Variants in MTMR6 observed in about 807,000 individuals in gnomAD.
MTMR6 encodes the protein myotubularin related protein 6, also known as phosphatidylinositol-3,5-bisphosphate 3-phosphatase MTMR6.
In MTMR6, 47 loss-of-function variants were observed where a neutral mutation model predicts 80.1. The ratio of observed to expected loss-of-function variants is 0.59; its 90% CI spans 0.46 to 0.75. The LOEUF is 0.75. MTMR6 is among the 30% of genes least tolerant of loss of function. The pLI, the probability that MTMR6 is intolerant of heterozygous loss-of-function variation, is 0.00. For synonymous variants in MTMR6, 254 were observed against 253.0 expected (o/e 1.00, Z -0.04); for missense variants, 629 against 730.9 (o/e 0.86, Z 1.61).
At chr13:25,275,675 C>A (rs1321130890) in intron 1 of MTMR6, among the ~76,000 whole-genome samples, 1 of 151,874 alleles carries the variant, frequency 6.6e-6, no homozygotes, top group African/African-American at 2.4e-5. Context: ...GCCTGCCCAA[C>A]ATGGTGAAAC....
intron 9 of MTMR6, among the ~76,000 whole-genome samples, chr13:25,256,933 A>T (rs1243982774): frequency 1.3e-5 from 2 of 152,232 alleles, no homozygotes; most frequent in African/African-American, 4.8e-5. Flanking sequence ...GCACAAATGG[A>T]AATAAGTCTA....
intron 2 of MTMR6, 129 bp downstream of exon 2, chr13:25,273,942 G>A (rs1418467490): frequency 1.6e-6 from 1 of 643,304 alleles, no homozygotes; most frequent in East Asian, 2.7e-5. Flanking sequence ...GTGATCTGGA[G>A]ACCAAAAAAT....
intron 5 of MTMR6, 51 bp downstream of exon 5, chr13:25,265,768 C>A: frequency 2.6e-6 from 4 of 1,533,390 alleles, no homozygotes; most frequent in Non-Finnish European, 3.5e-6. Context: ...GATACTTAAA[C>A]CTGAAGATGA....
intron 9 of MTMR6, among the ~76,000 whole-genome samples, chr13:25,256,369 T>C (rs1957208630): frequency 6.6e-6 from 1 of 152,224 alleles, no homozygotes; most frequent in Non-Finnish European, 1.5e-5. Flanking sequence ...ATTTTCTTAT[T>C]AGCAGCACTC....
chr13:25,266,072 T>C, intron 4 of MTMR6, 57 bp downstream of exon 4: 1 of 1,597,202 alleles, frequency 6.3e-7, no homozygotes, highest in South Asian at 1.1e-5. Context: ...ACGCTGACAC[T>C]CTCTAACCCT....
In MTMR6 at chr13:25,283,798, A is replaced by G. The variant is rs542090209; in HGVS notation, c.24+3426T>C. On this transcript the variant is annotated intron_variant, in intron 1 of 13. Transcript: ENST00000381801. ...ATGTCAGCCAAAGTACTGGCAGGGA[A>G]AGGAGAAAGACTGCATAAAGAACTG... Among the ~76,000 whole-genome samples, 5 of 152,350 alleles carry G rather than the reference A, an allele frequency of 3.3e-5. No individual in the cohort carries two copies. The South Asian group carries it at 6.2e-4, about 19-fold the overall frequency.
Position 25,287,440 on chromosome 13 carries a change from A to C in MTMR6, c.-193T>G. ...GCCGTCTCCTAGAAACACTTCCCCA[A>C]ACCCCGCGGCCTCCCGGGGGACTCG... On this transcript the variant is annotated 5_prime_UTR_variant, in exon 1 of 14. Transcript: ENST00000381801. 1.8e-5 allele frequency: 12 copies of C among 659,320 alleles called. No individual in the cohort carries two copies. Among genetic ancestry groups the C allele is most frequent in the Non-Finnish European group, 2.6e-5 (10 of 382,760 alleles). The allele number at this position is 659,320 out of a possible 1,614,324, so 40.8% of individuals were successfully genotyped here.
At chr13:25,258,280 A>C (rs1380063534) in intron 7 of MTMR6, among the ~76,000 whole-genome samples, 2 of 152,176 alleles carry the variant, frequency 1.3e-5, no homozygotes, top group African/African-American at 4.8e-5. Flanking sequence ...TAAACATTTG[A>C]AATATGGCTT....
intron 1 of MTMR6, among the ~76,000 whole-genome samples, chr13:25,285,540 C>CT (rs571735915): frequency 0.043 from 6,120 of 143,556 alleles, 189 homozygotes; most frequent in Non-Finnish European, 0.064. Context: ...ACCCGGCTTT[C>CT]TTTTTTTTTT....
intron 7 of MTMR6, 35 bp from the exon 8 acceptor site, chr13:25,257,880 T>C (rs941850600): frequency 2.1e-6 from 3 of 1,451,616 alleles, no homozygotes; most frequent in Admixed American, 1.9e-5. Flanking sequence ...AATTAGAATA[T>C]GGCTAGAGTT....
intron 1 of MTMR6, among the ~76,000 whole-genome samples, chr13:25,284,793 C>T (rs1566046028): frequency 6.6e-6 from 1 of 152,176 alleles, no homozygotes; most frequent in African/African-American, 2.4e-5. Context: ...AATTTAAGAA[C>T]ATGTTACAGT....
chr13:25,249,848 CAACA>C lies in MTMR6; in HGVS notation c.1606-360_1606-357del, dbSNP rs983533654. Reference sequence around the variant, plus strand: ...GTATGAAACATTCACCCTGAAAACACAACAAACAAACTTGTGTAGCTAAAGGGCT... The same window carrying C: ...GTATGAAACATTCACCCTGAAAACACAACAAACTTGTGTAGCTAAAGGGCT... On this transcript the variant is annotated intron_variant, in intron 13 of 13. Transcript: ENST00000381801. 9.2e-5 allele frequency among the ~76,000 whole-genome samples: 14 copies of C among 152,272 alleles called. No individual in the cohort carries two copies. In the South Asian group the frequency reaches 2.1e-3, roughly 23 times the overall value.
intron 1 of MTMR6, among the ~76,000 whole-genome samples, chr13:25,284,397 G>C (rs1194796538): frequency 3.9e-5 from 6 of 152,082 alleles, no homozygotes; most frequent in Admixed American, 3.9e-4. Context: ...GGTTATTTAA[G>C]AGATCAGTGA....
intron 1 of MTMR6, among the ~76,000 whole-genome samples, chr13:25,275,122 C>T (rs984756041): frequency 2.6e-5 from 4 of 152,078 alleles, no homozygotes; most frequent in African/African-American, 7.2e-5. Flanking sequence ...ATAACCACTA[C>T]CAACCTAAAA....
intron 9 of MTMR6, among the ~76,000 whole-genome samples, chr13:25,255,700 T>TTTTAGCA (rs1052651094): frequency 1.6e-4 from 25 of 152,184 alleles, no homozygotes; most frequent in Admixed American, 6.5e-4. Context: ...ATTTTTGTAT[T>TTTTAGCA]TTTAGCAGAG....
intron 2 of MTMR6, among the ~76,000 whole-genome samples, chr13:25,271,557 G>C (rs1957576951): frequency 2.0e-5 from 3 of 152,222 alleles, no homozygotes; most frequent in Non-Finnish European, 4.4e-5. Context: ...AGCTGGCAGA[G>C]CTAGTGGCAC....
intron 9 of MTMR6, 83 bp from the exon 10 acceptor site, chr13:25,254,517 A>T: frequency 4.4e-6 from 4 of 916,448 alleles, no homozygotes; most frequent in Non-Finnish European, 6.8e-6. Context: ...TAGTTTAAAA[A>T]CAGTATTTAC....
intron 1 of MTMR6, among the ~76,000 whole-genome samples, chr13:25,278,432 A>G (rs955395040): frequency 6.6e-6 from 1 of 152,102 alleles, no homozygotes; most frequent in Non-Finnish European, 1.5e-5. Context: ...GCTTTACTAA[A>G]CATATAAAAA....
intron 13 of MTMR6, among the ~76,000 whole-genome samples, 178 bp from the exon 14 acceptor site, chr13:25,249,670 A>AT (rs1957044786): frequency 6.6e-6 from 1 of 152,168 alleles, no homozygotes; most frequent in South Asian, 2.1e-4. Flanking sequence ...ATTGTGTACA[A>AT]TTTTTTGCTG....
Sources: allele counts gnomAD v4.1 joint callset (sites outside exome capture counted in the v4.1 genomes callset), GRCh38; gene constraint gnomAD v4.1.1; transcripts MANE v1.5; gene names NCBI Gene and HGNC (gene_info 2026-07-23, HGNC 2026-07-21).